The following OSTF1 variants were observed in gnomAD, a reference collection of about 807,000 sequenced individuals.
OSTF1 encodes the protein osteoclast-stimulating factor 1.
A neutral mutation model predicts 37.2 loss-of-function variants in OSTF1; 27 were observed. The observed-to-expected ratio is 0.73, with a 90% CI of 0.54 to 1.00. OSTF1 has a LOEUF of 1.00. Ranked by LOEUF, OSTF1 falls within the 50% of genes least tolerant of loss-of-function variation. The probability of loss-of-function intolerance (pLI) is 0.00; values close to 1 mark genes in which losing one functional copy is unlikely to be tolerated. For missense variants in OSTF1, 232 were observed against 253.8 expected (o/e 0.91, Z 0.58); for synonymous variants, 82 against 89.2 (o/e 0.92, Z 0.46).
chr9:75,109,309 G>T (rs537713765), intron 1 of OSTF1, among the ~76,000 whole-genome samples: 1 of 152,168 alleles, frequency 6.6e-6, no homozygotes. Context: ...GCCATGCCCG[G>T]CCAGGTTTCA....
Position 75,091,798 on chromosome 9 carries a change from G to A in OSTF1, c.34+3072G>A, listed in dbSNP as rs375164267. ...GAAAAGCTAGCTTACAGACAGACCT[G>A]CATGTGTAGTAAGGTCACTGTAGAT... On this transcript the variant is annotated intron_variant, in intron 1 of 9. Transcript: ENST00000346234. Among the ~76,000 whole-genome samples, 8 of 152,342 alleles carry A rather than the reference G, an allele frequency of 5.3e-5. No homozygotes were observed. The South Asian group carries it at 1.0e-3, about 20-fold the overall frequency.
chr9:75,141,223 C>T (rs1016112356), intron 9 of OSTF1, among the ~76,000 whole-genome samples: 1 of 149,408 alleles, frequency 6.7e-6, no homozygotes, highest in East Asian at 2.0e-4. Flanking sequence ...TCACTTGAGC[C>T]CTGGGAGGTT....
intron 7 of OSTF1, 73 bp from the exon 8 acceptor site, chr9:75,137,465 A>C (rs1235788411): frequency 1.0e-6 from 1 of 1,002,348 alleles, no homozygotes; most frequent in East Asian, 2.4e-5. Flanking sequence ...TAACTGGGTT[A>C]AACCTGAATT....
rs1824851935 is a variant in OSTF1 at position 75,088,590 on chromosome 9, T to A, written c.-103T>A. On this transcript the variant is annotated 5_prime_UTR_variant, in exon 1 of 10. Transcript: ENST00000346234. ...GCGCCGGTCCTAGGAGGCGCACGGT[T>A]GTAAGCCAGACAAAAAGAACTGGGG... The A allele has an allele frequency of 7.8e-7, 1 of 1,278,502 alleles. No homozygotes were observed. Among genetic ancestry groups the A allele is most frequent in the African/African-American group, 1.5e-5 (1 of 67,848 alleles). The allele number at this position is 1,278,502 out of a possible 1,614,324, so 79.2% of individuals were successfully genotyped here.
chr9:75,092,277 A>G (rs1030893099), intron 1 of OSTF1, among the ~76,000 whole-genome samples: 4 of 152,210 alleles, frequency 2.6e-5, no homozygotes, highest in Non-Finnish European at 5.9e-5. Flanking sequence ...GACCCTGGCC[A>G]TTTTTGTACC....
In OSTF1 at chr9:75,139,062, T is replaced by A. The variant is rs79313427; in HGVS notation, c.487+1446T>A. ...TCTTTCTTTCTTTCTTTCTTTTTTT[T>A]TTGAAACTGGGTCTCTATTGCCCAG... On this transcript the variant is annotated intron_variant, in intron 8 of 9. Coordinates refer to ENST00000346234, the MANE Select transcript of OSTF1 (RefSeq NM_012383.5). Among the ~76,000 whole-genome samples the A allele has an allele frequency of 2.5e-3, 134 of 54,628 alleles. 9 individuals carry two copies. Among genetic ancestry groups the A allele is most frequent in the African/African-American group, 8.7e-3 (128 of 14,700 alleles). 35.8% of individuals were successfully genotyped at this position (54,628 alleles called of 152,430 possible).
intron 6 of OSTF1, among the ~76,000 whole-genome samples, chr9:75,134,041 C>T (rs1825806630): frequency 6.6e-6 from 1 of 152,068 alleles, no homozygotes; most frequent in Admixed American, 6.6e-5. Context: ...AAAAAGAAGC[C>T]TATCTTATTT....
chr9:75,113,004 T>C (rs1306785601), intron 1 of OSTF1, among the ~76,000 whole-genome samples: 2 of 152,082 alleles, frequency 1.3e-5, no homozygotes, highest in Non-Finnish European at 2.9e-5. Context: ...GTTTCCTTTC[T>C]TCAGTCTATA....
intron 2 of OSTF1, among the ~76,000 whole-genome samples, chr9:75,126,506 G>A (rs1365560846): frequency 6.6e-6 from 1 of 152,152 alleles, no homozygotes; most frequent in Non-Finnish European, 1.5e-5. Context: ...CAAAGTCATG[G>A]TAAGTGTTAT....
At chr9:75,107,352 G>A (rs549849637) in intron 1 of OSTF1, among the ~76,000 whole-genome samples, 11 of 151,992 alleles carry the variant, frequency 7.2e-5, no homozygotes, top group South Asian at 6.2e-4. Context: ...TAGTACCCAC[G>A]GGGTATAAAT....
At chr9:75,135,563 A>G (rs772924426) in intron 7 of OSTF1, among the ~76,000 whole-genome samples, 3 of 151,802 alleles carry the variant, frequency 2.0e-5, no homozygotes, top group African/African-American at 7.3e-5. Flanking sequence ...AGTTTTCTTA[A>G]TTTTTCCCAG....
At chr9:75,130,534 C>T in intron 3 of OSTF1, 44 bp from the exon 4 acceptor site, 3 of 1,245,936 alleles carry the variant, frequency 2.4e-6, no homozygotes, top group Non-Finnish European at 3.6e-6. Flanking sequence ...TGAATGAATG[C>T]AGTCTGGATT....
At chr9:75,106,991 A>G (rs927772744) in intron 1 of OSTF1, among the ~76,000 whole-genome samples, 1 of 142,064 alleles carries the variant, frequency 7.0e-6, no homozygotes, top group African/African-American at 3.1e-5. Context: ...AAAAAAGAAA[A>G]AAAAAAAAAA....
chr9:75,121,180 G>A (rs1164577946), intron 2 of OSTF1, among the ~76,000 whole-genome samples: 1 of 152,210 alleles, frequency 6.6e-6, no homozygotes, highest in African/African-American at 2.4e-5. Context: ...AGGTTTTAGT[G>A]AGAATTAAAT....
intron 1 of OSTF1, among the ~76,000 whole-genome samples, chr9:75,113,356 T>C (rs1170802522): frequency 6.6e-6 from 1 of 152,304 alleles, no homozygotes; most frequent in Non-Finnish European, 1.5e-5. Context: ...AACAGGATGG[T>C]ACTTGCCTAC....
intron 3 of OSTF1, among the ~76,000 whole-genome samples, chr9:75,129,106 G>A (rs1334892144): frequency 5.3e-5 from 8 of 152,098 alleles, no homozygotes; most frequent in Admixed American, 3.9e-4. Flanking sequence ...ACTTGGGAAC[G>A]AACTTGAAGA....
chr9:75,109,186 T>C (rs1825342159), intron 1 of OSTF1, among the ~76,000 whole-genome samples: 1 of 152,040 alleles, frequency 6.6e-6, no homozygotes, highest in South Asian at 2.1e-4. Flanking sequence ...CTAGTTTTTG[T>C]ATTTTTAGTA....
At chr9:75,139,028 T>G (rs918854037) in intron 8 of OSTF1, among the ~76,000 whole-genome samples, 1 of 63,992 alleles carries the variant, frequency 1.6e-5, no homozygotes, top group African/African-American at 7.8e-5. Flanking sequence ...TTGGGGACAC[T>G]TCTTTCTTTC....
In OSTF1 at chr9:75,088,536, G is replaced by T. The variant is rs1048531859; in HGVS notation, c.-157G>T. Reference sequence around the variant, plus strand: ...AGCACTCGGCGGAGCCGCTCTGCCTGCGTCCGCTCTTCCCGCAGCCAAGGG... The same window carrying T: ...AGCACTCGGCGGAGCCGCTCTGCCTTCGTCCGCTCTTCCCGCAGCCAAGGG... On this transcript the variant is annotated 5_prime_UTR_variant, in exon 1 of 10. Coordinates refer to ENST00000346234, the MANE Select transcript of OSTF1 (RefSeq NM_012383.5). 1.3e-6 allele frequency: 1 copy of T among 776,370 alleles called. No homozygotes were observed. Among genetic ancestry groups the T allele is most frequent in the Non-Finnish European group, 2.1e-6 (1 of 470,432 alleles). 48.1% of individuals were successfully genotyped at this position (776,370 alleles called of 1,614,324 possible).
Sources: allele counts gnomAD v4.1 joint callset (sites outside exome capture counted in the v4.1 genomes callset), GRCh38; gene constraint gnomAD v4.1.1; transcripts MANE v1.5; gene names NCBI Gene and HGNC (gene_info 2026-07-23, HGNC 2026-07-21).